Variants in MLLT1 observed in about 807,000 individuals in gnomAD.
MLLT1 encodes the protein MLLT1 super elongation complex subunit, also known as protein ENL.
In MLLT1, 11 loss-of-function variants were observed where a neutral mutation model predicts 55.1. The observed-to-expected ratio is 0.20, with a 90% CI of 0.13 to 0.33. MLLT1 has a LOEUF of 0.33. MLLT1 is among the 10% of genes least tolerant of loss of function. The pLI is 1.00. For synonymous variants in MLLT1, 323 were observed against 320.1 expected, an observed-to-expected ratio of 1.01 and a Z score of -0.10; for missense variants, 536 against 760.6, an observed-to-expected ratio of 0.70 and a Z score of 3.47.
chr19:6,262,609 G>C lies in MLLT1; in HGVS notation c.194-299C>G, dbSNP rs1243797029. Among the ~76,000 whole-genome samples, 2 of 152,208 alleles carry C rather than the reference G, an allele frequency of 1.3e-5. No individual in the cohort carries two copies. The highest frequency in any genetic ancestry group is 2.9e-5 in the Non-Finnish European group (2 of 68,024). ...GGATACTTGCTCCTGCAGAGGATGA[G>C]GAGGCTGAGGCCAGAGAAGGCTGCA... On this transcript the variant is annotated intron_variant, in intron 2 of 11. Coordinates refer to ENST00000252674, the MANE Select transcript of MLLT1 (RefSeq NM_005934.4). This position sits in a 1 kb window ranked among gnomAD's most constrained non-coding sequence, Gnocchi z 4.4.
At position 6,227,025 on chromosome 19, in the gene MLLT1, G is replaced by C. The variant is rs368403578; in HGVS notation, c.498C>G (p.Leu166=). The change falls in exon 5 of 12, where the codon CTC becomes CTG. Residue 166 remains leucine, a synonymous_variant. Transcript: ENST00000252674. This position sits in a 1 kb window ranked among gnomAD's most constrained non-coding sequence, Gnocchi z 5.1. ...PDYPMLPTIP[L]SAFSDPKKTK... ...TCTTCTTGGGGTCAGAGAAGGCAGA[G>C]AGTGGAATTGTGGGTAACATGGGGT... 7.7e-5 allele frequency: 124 copies of C among 1,607,944 alleles called. No homozygotes were observed. Among genetic ancestry groups the C allele is most frequent in the Middle Eastern group, 1.7e-4 (1 of 6,060 alleles).
intron 1 of MLLT1, among the ~76,000 whole-genome samples, chr19:6,278,511 A>G (rs1208067098): frequency 6.8e-6 from 1 of 147,334 alleles, no homozygotes; most frequent in Admixed American, 7.0e-5. Context: ...ATGAGGTGGA[A>G]GGAGGGAGAG....
At chr19:6,238,826 G>A (rs1016526558) in intron 3 of MLLT1, among the ~76,000 whole-genome samples, 1 of 150,434 alleles carries the variant, frequency 6.6e-6, no homozygotes, top group Non-Finnish European at 1.5e-5. Context: ...CCGGCCAGCA[G>A]CCAAACGCCT....
At chr19:6,259,501 A>G (rs1300398999) in intron 3 of MLLT1, 1 of 152,206 alleles carries the variant, frequency 6.6e-6, no homozygotes, top group Non-Finnish European at 1.5e-5. Context: ...GTGACTCGGG[A>G]TCCAGGATCT....
At position 6,222,834 on chromosome 19, in the gene MLLT1, A is replaced by T. The variant is rs925871292; in HGVS notation, c.547-150T>A. ...AACTCTTCCATAAAGCAAAAAGGTA[A>T]GGCAGTAGGTGAGAGTTTTACATGG... On this transcript the variant is annotated intron_variant, in intron 5 of 11. Transcript: ENST00000252674. This position sits in a 1 kb window ranked among gnomAD's most constrained non-coding sequence, Gnocchi z 4.1. 1 of 577,708 alleles carries T rather than the reference A, an allele frequency of 1.7e-6. No individual in the cohort carries two copies. Among genetic ancestry groups the T allele is most frequent in the Admixed American group, 3.8e-5 (1 of 26,286 alleles). The allele number at this position is 577,708 out of a possible 1,614,324, so 35.8% of individuals were successfully genotyped here.
At position 6,229,535 on chromosome 19, in the gene MLLT1, G is replaced by A. The variant is rs1376010805; in HGVS notation, c.420+1035C>T. On this transcript the variant is annotated intron_variant, in intron 4 of 11. Coordinates refer to ENST00000252674, the MANE Select transcript of MLLT1 (RefSeq NM_005934.4). The surrounding 1 kb of genome is among the most constrained non-coding windows in gnomAD (Gnocchi z 5.2). ...CGTCATACATGCCACATACACACCT[G>A]ACACATTCACATACTCCCCATAACA... Among the ~76,000 whole-genome samples, 3 of 151,548 alleles carry A rather than the reference G, an allele frequency of 2.0e-5. No individual in the cohort carries two copies. Among genetic ancestry groups the A allele is most frequent in the Admixed American group, 6.6e-5 (1 of 15,238 alleles).
intron 5 of MLLT1, among the ~76,000 whole-genome samples, chr19:6,224,683 A>G (rs1600178241): frequency 6.6e-6 from 1 of 152,332 alleles, no homozygotes; most frequent in East Asian, 1.9e-4. Context: ...CAGGCACCCG[A>G]CACCACAGGT....
intron 3 of MLLT1, among the ~76,000 whole-genome samples, chr19:6,260,120 C>T (rs1160966513): frequency 6.6e-6 from 1 of 151,904 alleles, no homozygotes; most frequent in Admixed American, 6.6e-5. Context: ...TGCCCCCACA[C>T]CCTAAATGAA....
At chr19:6,252,843 C>T (rs2091228576) in intron 3 of MLLT1, among the ~76,000 whole-genome samples, 3 of 152,014 alleles carry the variant, frequency 2.0e-5, no homozygotes, top group Admixed American at 2.0e-4. Flanking sequence ...TAACCCACAT[C>T]AGAAATAAAA....
At chr19:6,216,651 C>T in intron 7 of MLLT1, 138 bp from the exon 8 acceptor site, 1 of 621,026 alleles carries the variant, frequency 1.6e-6, no homozygotes, top group Non-Finnish European at 2.8e-6. Context: ...ACCTGGGGGT[C>T]CCTGTGCCCA....
chr19:6,239,308 G>A (rs562828847), intron 3 of MLLT1, among the ~76,000 whole-genome samples: 5 of 152,324 alleles, frequency 3.3e-5, no homozygotes, highest in South Asian at 2.1e-4. Context: ...GATGCGATCC[G>A]ACCGAAATAC....
chr19:6,259,224 C>T (rs1002083217), intron 3 of MLLT1: 5 of 152,272 alleles, frequency 3.3e-5, no homozygotes, highest in African/African-American at 1.2e-4. Flanking sequence ...TACCTGACCT[C>T]CCACCGAGGA....
At position 6,240,572 on chromosome 19, in the gene MLLT1, A is replaced by T. The variant is rs975127679; in HGVS notation, c.277-9859T>A. 6.6e-6 allele frequency among the ~76,000 whole-genome samples: 1 copy of T among 152,014 alleles called. No homozygotes were observed. Among genetic ancestry groups the T allele is most frequent in the African/African-American group, 2.4e-5 (1 of 41,362 alleles). ...CTCCTCATCACACGCTGGCCCAGAG[A>T]CCCCCGGGATACACCGTTGGGAGAA... On this transcript the variant is annotated intron_variant, in intron 3 of 11. Coordinates refer to ENST00000252674, the MANE Select transcript of MLLT1 (RefSeq NM_005934.4). The surrounding 1 kb of genome is among the most constrained non-coding windows in gnomAD (Gnocchi z 4.7).
chr19:6,216,529 A>G lies in MLLT1; in HGVS notation c.1199-16T>C. 1.0e-6 allele frequency: 1 copy of G among 980,954 alleles called. No homozygotes were observed. The highest frequency in any genetic ancestry group is 1.5e-6 in the Non-Finnish European group (1 of 653,452). The allele number at this position is 980,954 out of a possible 1,614,324, so 60.8% of individuals were successfully genotyped here. A position where few individuals can be genotyped will look rare whatever the true frequency, so the allele number is the denominator to read the frequency against. On this transcript the variant is annotated splice_polypyrimidine_tract_variant and intron_variant, in intron 7 of 11. Transcript: ENST00000252674. ...CGCAGGGGTCCTGGGGAGGCGGGGC[A>G]GGGAGGGAGGGGAGACAAGGGCAGG... is the stretch of plus-strand genomic sequence containing the variant.
At chr19:6,253,820 AAAG>A (rs1165077681) in intron 3 of MLLT1, among the ~76,000 whole-genome samples, 18 of 152,310 alleles carry the variant, frequency 1.2e-4, no homozygotes, top group African/African-American at 4.3e-4. Flanking sequence ...CAAACTAGAA[AAAG>A]AAGGTGTGAC....
chr19:6,271,372 C>T (rs1309108051), intron 1 of MLLT1, among the ~76,000 whole-genome samples: 3 of 152,216 alleles, frequency 2.0e-5, no homozygotes, highest in African/African-American at 7.2e-5. Flanking sequence ...TCATCAGCTA[C>T]AACACTGGCT....
At chr19:6,220,276 C>A (rs1600173684) in intron 6 of MLLT1, among the ~76,000 whole-genome samples, 1 of 152,342 alleles carries the variant, frequency 6.6e-6, no homozygotes, top group African/African-American at 2.4e-5. Context: ...TGCTTCTTCA[C>A]CATAGCAGCC....
chr19:6,213,721 C>T lies in MLLT1; in HGVS notation c.1479+5G>A, dbSNP rs769906408. The T allele has an allele frequency of 1.1e-5, 17 of 1,612,410 alleles. No homozygotes were observed. In the Admixed American group the frequency reaches 2.7e-4, roughly 25 times the overall value. ...CTCCCCGCCTTGTCGTAGGTGCCCC[C>T]CCACCTTGTCGTAGGTGCCCTTCTT... is the stretch of plus-strand genomic sequence containing the variant. On this transcript the variant is annotated splice_donor_5th_base_variant and intron_variant, in intron 10 of 11. Transcript: ENST00000252674.
At chr19:6,257,472 A>T (rs984724655) in intron 3 of MLLT1, among the ~76,000 whole-genome samples, 6 of 152,160 alleles carry the variant, frequency 3.9e-5, no homozygotes, top group Non-Finnish European at 7.3e-5. Context: ...AAAAACTTCT[A>T]TAACACAACA....
Sources: gnomAD v4.1 joint callset for allele counts (sites outside exome capture counted in the v4.1 genomes callset) on GRCh38, gnomAD v4.1.1 for gene constraint, Gnocchi (gnomAD v3.1) non-coding constraint, MANE v1.5 for transcripts, NCBI Gene and HGNC (gene_info 2026-07-23, HGNC 2026-07-21) for gene names.